The following MCF2L2 variants were observed in gnomAD, a reference collection of about 807,000 sequenced individuals.
The protein encoded by MCF2L2 is probable guanine nucleotide exchange factor MCF2L2.
A neutral mutation model predicts 150.2 loss-of-function variants in MCF2L2; 102 were observed. The observed-to-expected ratio is 0.68, with a 90% CI of 0.58 to 0.80. The LOEUF (loss-of-function observed/expected upper bound fraction) is 0.80, where lower values mean the gene tolerates loss of function less well. Among genes scored for constraint, MCF2L2 ranks in the 30% least tolerant of loss-of-function variants. The probability of loss-of-function intolerance (pLI) is 0.00; values close to 1 mark genes in which losing one functional copy is unlikely to be tolerated. For missense variants in MCF2L2, 1,256 were observed against 1,372.8 expected (o/e 0.91, Z 1.34); for synonymous variants, 465 against 491.3 (o/e 0.95, Z 0.71).
chr3:183,339,042 A>G lies in MCF2L2; in HGVS notation c.367-123T>C, dbSNP rs535240193. On this transcript the variant is annotated intron_variant, in intron 4 of 29. Transcript: ENST00000328913. ...AGAAGGAAAAGTTAAAACGGATGCC[A>G]TGGATGTAAATTTCACCAGATTTCA... 40 of 919,468 alleles carry G rather than the reference A, an allele frequency of 4.4e-5. No individual in the cohort carries two copies. The African/African-American group carries it at 6.1e-4, about 14-fold the overall frequency. The allele number at this position is 919,468 out of a possible 1,614,324, so 57.0% of individuals were successfully genotyped here. A position where few individuals can be genotyped will look rare whatever the true frequency, so the allele number is the denominator to read the frequency against.
intron 4 of MCF2L2, 88 bp downstream of exon 4, chr3:183,341,451 AT>A (rs1730691134): frequency 1.1e-5 from 12 of 1,047,480 alleles, no homozygotes; most frequent in Non-Finnish European, 1.7e-5. Flanking sequence ...ACATAAAATA[AT>A]TGCCTTTTCC....
intron 3 of MCF2L2, among the ~76,000 whole-genome samples, chr3:183,351,342 C>T (rs1490516164): frequency 1.3e-5 from 2 of 150,482 alleles, no homozygotes. Context: ...TATCACTGTG[C>T]CAGGCTAGCT....
At chr3:183,327,694 C>G (rs1176690053) in intron 5 of MCF2L2, among the ~76,000 whole-genome samples, 2 of 152,162 alleles carry the variant, frequency 1.3e-5, no homozygotes, top group Non-Finnish European at 2.9e-5. Flanking sequence ...TTTTAGAGAG[C>G]CTCTCCCTGT....
At chr3:183,306,413 T>G (rs1372050053) in intron 10 of MCF2L2, among the ~76,000 whole-genome samples, 1 of 152,240 alleles carries the variant, frequency 6.6e-6, no homozygotes, top group Non-Finnish European at 1.5e-5. Flanking sequence ...TGCTGAAAAT[T>G]CCAGAAGGCT....
At chr3:183,252,852 G>C (rs942790167) in intron 15 of MCF2L2, among the ~76,000 whole-genome samples, 1 of 152,202 alleles carries the variant, frequency 6.6e-6, no homozygotes, top group Non-Finnish European at 1.5e-5. Context: ...GCTTTAGGGA[G>C]AGGTCTAACA....
chr3:183,353,967 T>G (rs1344074815), intron 3 of MCF2L2, among the ~76,000 whole-genome samples: 3 of 152,028 alleles, frequency 2.0e-5, no homozygotes, highest in African/African-American at 7.3e-5. Context: ...AAAATAAAAT[T>G]CTAAGCTCCC....
intron 15 of MCF2L2, chr3:183,272,998 T>C (rs905828365): frequency 6.8e-7 from 1 of 1,480,380 alleles, no homozygotes; most frequent in South Asian, 1.4e-5. Flanking sequence ...GCACTTCCTT[T>C]TTTTCTAAGA....
intron 3 of MCF2L2, among the ~76,000 whole-genome samples, chr3:183,343,935 C>T (rs1302811698): frequency 6.6e-6 from 1 of 152,042 alleles, no homozygotes; most frequent in East Asian, 1.9e-4. Context: ...CCTTAGGAGG[C>T]CAAGGCAGGA....
chr3:183,274,936 A>G (rs1727072044), intron 15 of MCF2L2, among the ~76,000 whole-genome samples: 1 of 150,770 alleles, frequency 6.6e-6, no homozygotes, highest in Admixed American at 6.6e-5. Context: ...CCCTACGTAA[A>G]CTTTTCCTCC....
Position 183,339,051 on chromosome 3 carries a change from A to C in MCF2L2, c.367-132T>G. 5.9e-6 allele frequency: 5 copies of C among 843,212 alleles called. No homozygotes were observed. The South Asian group carries it at 1.5e-4, about 26-fold the overall frequency. 52.2% of individuals were successfully genotyped at this position (843,212 alleles called of 1,614,324 possible). A position where few individuals can be genotyped will look rare whatever the true frequency, so the allele number is the denominator to read the frequency against. On this transcript the variant is annotated intron_variant, in intron 4 of 29. Coordinates refer to ENST00000328913, the MANE Select transcript of MCF2L2 (RefSeq NM_015078.4). ...AGTTAAAACGGATGCCATGGATGTA[A>C]ATTTCACCAGATTTCAGGGCTAAAA...
chr3:183,257,643 A>T (rs1172606251), intron 15 of MCF2L2, among the ~76,000 whole-genome samples: 1 of 152,202 alleles, frequency 6.6e-6, no homozygotes, highest in Non-Finnish European at 1.5e-5. Context: ...CCTCTGTGTT[A>T]TAAACCCTCT....
chr3:183,364,448 G>A lies in MCF2L2; in HGVS notation c.275+14849C>T, dbSNP rs1453680829. ...GGCAGGAGAATGGCGTGAACCCAGG[G>A]GGCGGAGCTTGCAGTGAGCCAAGAT... On this transcript the variant is annotated intron_variant, in intron 3 of 29. Coordinates refer to ENST00000328913, the MANE Select transcript of MCF2L2 (RefSeq NM_015078.4). Among the ~76,000 whole-genome samples, 16 of 151,820 alleles carry A rather than the reference G, an allele frequency of 1.1e-4. 1 individual carries two copies.
intron 3 of MCF2L2, among the ~76,000 whole-genome samples, chr3:183,350,409 C>T (rs1731065526): frequency 6.6e-6 from 1 of 151,856 alleles, no homozygotes; most frequent in African/African-American, 2.4e-5. Context: ...CTTAAGGTAA[C>T]ACTTGGTTTT....
intron 15 of MCF2L2, among the ~76,000 whole-genome samples, chr3:183,257,082 TTAAC>T (rs1346623038): frequency 1.3e-5 from 2 of 152,200 alleles, no homozygotes; most frequent in African/African-American, 2.4e-5. Context: ...CAGCCATCCA[TTAAC>T]TAACCCATCC....
intron 25 of MCF2L2, 33 bp downstream of exon 25, chr3:183,205,843 C>T (rs752436072): frequency 1.3e-6 from 2 of 1,541,426 alleles, no homozygotes; most frequent in East Asian, 2.3e-5. Flanking sequence ...ATCAGTATAA[C>T]TCGACAGACG....
intron 1 of MCF2L2, 139 bp downstream of exon 1, chr3:183,427,763 A>G: frequency 2.7e-6 from 2 of 733,520 alleles, no homozygotes; most frequent in South Asian, 1.5e-5. Flanking sequence ...GACCCAGAGC[A>G]GCGAGGCCCA....
At chr3:183,263,333 A>C (rs1310058305) in intron 15 of MCF2L2, among the ~76,000 whole-genome samples, 1 of 152,098 alleles carries the variant, frequency 6.6e-6, no homozygotes, top group Non-Finnish European at 1.5e-5. Context: ...CCCAACCTCA[A>C]ACCAGCCCCC....
Position 183,334,586 on chromosome 3 carries a change from GA to G in MCF2L2, c.486+4213del, listed in dbSNP as rs1365661272. 2.0e-5 allele frequency among the ~76,000 whole-genome samples: 3 copies of G among 151,754 alleles called. No individual in the cohort carries two copies. In the East Asian group the frequency reaches 5.8e-4, roughly 29 times the overall value. ...GTGGATCACCTGAGGTCAGGAGTTC[GA>G]GACCAGCCTGGCCAACATGGTGAAA... On this transcript the variant is annotated intron_variant, in intron 5 of 29. Transcript: ENST00000328913.
At chr3:183,275,433 A>G (rs1463301535) in intron 15 of MCF2L2, among the ~76,000 whole-genome samples, 1 of 152,248 alleles carries the variant, frequency 6.6e-6, no homozygotes, top group Non-Finnish European at 1.5e-5. Context: ...GTGGTAGAAC[A>G]AAAACAGTAG....
Sources: allele counts gnomAD v4.1 joint callset (sites outside exome capture counted in the v4.1 genomes callset), GRCh38; gene constraint gnomAD v4.1.1; transcripts MANE v1.5; gene names NCBI Gene and HGNC (gene_info 2026-07-23, HGNC 2026-07-21).